KIAA1217: variants seen among roughly 807,000 people sequenced by gnomAD.
KIAA1217 encodes sickle tail protein homolog.
KIAA1217 carries 88 observed loss-of-function variants against 163.9 expected under a neutral mutation model. That is an observed-to-expected ratio of 0.54 (90% confidence interval 0.45 to 0.64). The LOEUF (loss-of-function observed/expected upper bound fraction) is 0.64. Ranked by LOEUF, KIAA1217 falls within the 30% of genes least tolerant of loss-of-function variation. KIAA1217 has a pLI of 0.00. For synonymous variants in KIAA1217, 903 were observed against 923.1 expected (o/e 0.98, Z 0.39); for missense variants, 2,372 against 2,475.0 (o/e 0.96, Z 0.88).
intron 5 of KIAA1217, among the ~76,000 whole-genome samples, chr10:24,472,678 T>A (rs781681704): frequency 3.9e-5 from 6 of 152,236 alleles, no homozygotes; most frequent in Non-Finnish European, 5.9e-5. Flanking sequence ...TTCTTGTGGT[T>A]GCTGTAACAA....
intron 10 of KIAA1217, among the ~76,000 whole-genome samples, chr10:24,518,123 T>C (rs1216145564): frequency 6.6e-6 from 1 of 152,190 alleles, no homozygotes; most frequent in Non-Finnish European, 1.5e-5. Flanking sequence ...TTAACAAAGC[T>C]AGGATGAAAA....
intron 1 of KIAA1217, among the ~76,000 whole-genome samples, chr10:23,934,595 ATATATATATATG>A (rs1843428440): frequency 2.6e-5 from 2 of 76,644 alleles, no homozygotes; most frequent in African/African-American, 1.4e-4. Flanking sequence ...ATATATGTAT[ATATATATATATG>A]TATATATATA....
chr10:23,835,816 A>G (rs1022489763), intron 1 of KIAA1217, among the ~76,000 whole-genome samples: 2 of 152,134 alleles, frequency 1.3e-5, no homozygotes, highest in African/African-American at 2.4e-5. Flanking sequence ...CACTGCCATG[A>G]GAAGTCATTT....
At chr10:23,953,502 A>C (rs1045441321) in intron 1 of KIAA1217, among the ~76,000 whole-genome samples, 1 of 152,210 alleles carries the variant, frequency 6.6e-6, no homozygotes, top group Non-Finnish European at 1.5e-5. Flanking sequence ...GAAAAGTTAT[A>C]TGGCTTTGCC....
At chr10:23,838,533 T>C (rs1031410143) in intron 1 of KIAA1217, among the ~76,000 whole-genome samples, 2 of 152,220 alleles carry the variant, frequency 1.3e-5, no homozygotes, top group South Asian at 2.1e-4. Flanking sequence ...CCATCTATGC[T>C]CACTGCAACC....
At chr10:23,724,339 A>G (rs909582161) in intron 1 of KIAA1217, among the ~76,000 whole-genome samples, 2 of 152,186 alleles carry the variant, frequency 1.3e-5, no homozygotes, top group African/African-American at 4.8e-5. Context: ...AAAAAGTTCT[A>G]TCACCTAAAT....
At chr10:23,762,080 AATAAC>A (rs1246578096) in intron 1 of KIAA1217, among the ~76,000 whole-genome samples, 3 of 152,220 alleles carry the variant, frequency 2.0e-5, no homozygotes, top group Non-Finnish European at 2.9e-5. Flanking sequence ...TGAGTAGACC[AATAAC>A]AAGTTCTGAA....
chr10:23,962,825 T>C (rs995108772), intron 1 of KIAA1217, among the ~76,000 whole-genome samples: 1 of 152,222 alleles, frequency 6.6e-6, no homozygotes, highest in African/African-American at 2.4e-5. Context: ...TAAAATTTTA[T>C]ATTTTTTAGA....
intron 5 of KIAA1217, 134 bp downstream of exon 5, chr10:24,438,613 T>C: frequency 1.7e-6 from 1 of 605,756 alleles, no homozygotes; most frequent in Non-Finnish European, 3.0e-6. Flanking sequence ...ACCTAGTGGA[T>C]CATTATTTGT....
intron 1 of KIAA1217, among the ~76,000 whole-genome samples, chr10:23,792,337 A>C (rs1376493268): frequency 6.6e-6 from 1 of 152,212 alleles, no homozygotes; most frequent in Non-Finnish European, 1.5e-5. Flanking sequence ...TTGCAAAGTG[A>C]GGAATACATT....
At chr10:23,800,414 G>T (rs954507279) in intron 1 of KIAA1217, among the ~76,000 whole-genome samples, 1 of 151,964 alleles carries the variant, frequency 6.6e-6, no homozygotes, top group African/African-American at 2.4e-5. Flanking sequence ...CTGTGCTTTC[G>T]CTGGAGCTGG....
intron 1 of KIAA1217, among the ~76,000 whole-genome samples, chr10:23,732,117 G>A (rs950124791): frequency 3.9e-5 from 6 of 152,016 alleles, no homozygotes; most frequent in Non-Finnish European, 8.8e-5. Context: ...GAGTTAGAAA[G>A]TATTCCTTCT....
chr10:24,066,775 T>A (rs1246348272), intron 2 of KIAA1217, among the ~76,000 whole-genome samples: 1 of 152,222 alleles, frequency 6.6e-6, no homozygotes, highest in South Asian at 2.1e-4. Flanking sequence ...CAATTTCAGG[T>A]ACACCAATTA....
chr10:24,009,729 A>C (rs1157434585), intron 2 of KIAA1217, among the ~76,000 whole-genome samples: 1 of 152,152 alleles, frequency 6.6e-6, no homozygotes, highest in Admixed American at 6.6e-5. Context: ...ATTTGAACCG[A>C]GCTCTGGAAG....
intron 2 of KIAA1217, among the ~76,000 whole-genome samples, chr10:24,164,726 C>A (rs150542105): frequency 6.6e-6 from 1 of 152,050 alleles, no homozygotes; most frequent in Non-Finnish European, 1.5e-5. Context: ...GTGTATCCCA[C>A]GTAATTAAGA....
chr10:23,740,134 G>C (rs1287831274), intron 1 of KIAA1217, among the ~76,000 whole-genome samples: 1 of 152,122 alleles, frequency 6.6e-6, no homozygotes, highest in Non-Finnish European at 1.5e-5. Context: ...GAGAGGTCAG[G>C]CTGGAGAAAT....
Position 24,444,184 on chromosome 10 carries a change from T to G in KIAA1217, c.846+5705T>G, listed in dbSNP as rs901981393. The stretch of plus-strand genomic sequence containing the variant: ...CACCACCACTCTTGGCACATTTTTG[T>G]ATTTTTTACTAGAGACGGGGTTTCA... On this transcript the variant is annotated intron_variant, in intron 5 of 20. Coordinates refer to ENST00000376454, the MANE Select transcript of KIAA1217 (RefSeq NM_019590.5). Among the ~76,000 whole-genome samples, 7 of 152,210 alleles carry G rather than the reference T, an allele frequency of 4.6e-5. No homozygotes were observed. In the South Asian group the frequency reaches 1.5e-3, roughly 32 times the overall value.
At position 24,303,807 on chromosome 10, in the gene KIAA1217, T is replaced by A. The variant is rs139941597; in HGVS notation, c.355-77062T>A. ...TGTATTAGGACATCTAACTCTTGTGTTTGACTTAATGGGATTCAAATTTGC... is the reference window on the plus strand; with the variant it reads ...TGTATTAGGACATCTAACTCTTGTGATTGACTTAATGGGATTCAAATTTGC... On this transcript the variant is annotated intron_variant, in intron 2 of 20. Transcript: ENST00000376454. Among the ~76,000 whole-genome samples, 108 of 151,980 alleles carry A rather than the reference T, an allele frequency of 7.1e-4. 1 individual carries two copies. Among genetic ancestry groups the A allele is most frequent in the African/African-American group, 2.5e-3 (102 of 41,442 alleles).
At chr10:23,915,895 G>T (rs950945700) in intron 1 of KIAA1217, among the ~76,000 whole-genome samples, 1 of 152,094 alleles carries the variant, frequency 6.6e-6, no homozygotes, top group African/African-American at 2.4e-5. Context: ...TCCTATCATT[G>T]GTTAATATGG....
Sources: gnomAD v4.1 joint callset for allele counts (sites outside exome capture counted in the v4.1 genomes callset) on GRCh38, gnomAD v4.1.1 for gene constraint, MANE v1.5 for transcripts, NCBI Gene and HGNC (gene_info 2026-07-23, HGNC 2026-07-21) for gene names.